Variants in ADD3 observed in about 807,000 individuals in gnomAD.
ADD3 encodes the protein gamma-adducin.
A neutral mutation model predicts 80.2 loss-of-function variants in ADD3; 25 were observed. The ratio of observed to expected loss-of-function variants is 0.31; its 90% CI spans 0.23 to 0.44. ADD3 has a LOEUF of 0.44. Among genes scored for constraint, ADD3 ranks in the 20% least tolerant of loss-of-function variants. ADD3 has a pLI of 1.00. For synonymous variants in ADD3, 284 were observed against 289.6 expected (o/e 0.98, Z 0.20); for missense variants, 829 against 847.5 (o/e 0.98, Z 0.27).
At position 110,135,004 on chromosome 10, in the gene ADD3, A is replaced by G. The variant is rs1853490899; in HGVS notation, c.*1386A>G. Reference sequence around the variant, plus strand: ...TCCCCTTTCACCCAAGTGATGTCACAGTTCGATGCAAAATCAATGATCCAG... The same window carrying G: ...TCCCCTTTCACCCAAGTGATGTCACGGTTCGATGCAAAATCAATGATCCAG... On this transcript the variant is annotated 3_prime_UTR_variant, in exon 15 of 15. Transcript: ENST00000356080. 1 of 152,254 alleles carries G rather than the reference A, an allele frequency of 6.6e-6. No homozygotes were observed. Among genetic ancestry groups the G allele is most frequent in the African/African-American group, 2.4e-5 (1 of 41,470 alleles). 9.4% of individuals were successfully genotyped at this position (152,254 alleles called of 1,614,324 possible).
intron 1 of ADD3, among the ~76,000 whole-genome samples, chr10:110,080,348 TG>T (rs1845930153): frequency 6.6e-6 from 1 of 152,226 alleles, no homozygotes; most frequent in African/African-American, 2.4e-5. Context: ...GTAGTATTTT[TG>T]TTGGAATATT....
intron 1 of ADD3, among the ~76,000 whole-genome samples, chr10:110,088,990 C>T (rs1167701391): frequency 2.0e-5 from 3 of 151,984 alleles, no homozygotes; most frequent in Non-Finnish European, 4.4e-5. Context: ...ATTTGCATTT[C>T]TTCAGTTAAA....
intron 1 of ADD3, among the ~76,000 whole-genome samples, chr10:110,088,467 A>T (rs1287661363): frequency 6.6e-6 from 1 of 152,220 alleles, no homozygotes; most frequent in Non-Finnish European, 1.5e-5. Context: ...ATCTGTGCTT[A>T]ATAAGATGCA....
intron 1 of ADD3, among the ~76,000 whole-genome samples, chr10:110,068,182 T>C (rs139002863): frequency 4.2e-4 from 64 of 152,316 alleles, no homozygotes; most frequent in Non-Finnish European, 8.1e-4. Flanking sequence ...TGTCTCTTCA[T>C]CTGGTTTCTT....
At chr10:110,075,536 C>CA (rs1435748136) in intron 1 of ADD3, 1 of 152,162 alleles carries the variant, frequency 6.6e-6, no homozygotes, top group African/African-American at 2.4e-5. Context: ...CTTCCATGCA[C>CA]AAACAGCTGG....
At chr10:110,094,767 A>G (rs1847960277) in intron 1 of ADD3, among the ~76,000 whole-genome samples, 1 of 152,226 alleles carries the variant, frequency 6.6e-6, no homozygotes, top group African/African-American at 2.4e-5. Context: ...GTTGTTTTCT[A>G]GAACTTCAAA....
At position 110,008,233 on chromosome 10, in the gene ADD3, C is replaced by T. The variant is rs1851858911; in HGVS notation, c.-96C>T. 1 of 152,298 alleles carries T rather than the reference C, an allele frequency of 6.6e-6. No homozygotes were observed. 9.4% of individuals were successfully genotyped at this position (152,298 alleles called of 1,614,324 possible). ...GCGGCCGCAGCGGCGGATCCGGCGGCTGCTGCAGCCCGGGCGGCTGCCGAG... is the reference window on the plus strand; with the variant it reads ...GCGGCCGCAGCGGCGGATCCGGCGGTTGCTGCAGCCCGGGCGGCTGCCGAG... On this transcript the variant is annotated 5_prime_UTR_variant, in exon 1 of 15. Coordinates refer to ENST00000356080, the MANE Select transcript of ADD3 (RefSeq NM_016824.5).
intron 1 of ADD3, among the ~76,000 whole-genome samples, chr10:110,024,215 T>C (rs1589762926): frequency 6.6e-6 from 1 of 152,222 alleles, no homozygotes; most frequent in Non-Finnish European, 1.5e-5. Flanking sequence ...ACAAAAGAAT[T>C]GAAGGCATTG....
intron 1 of ADD3, among the ~76,000 whole-genome samples, chr10:110,099,490 T>A (rs1269605458): frequency 6.6e-6 from 1 of 152,194 alleles, no homozygotes; most frequent in East Asian, 1.9e-4. Context: ...GGATCATCAA[T>A]CAATTTGACT....
intron 1 of ADD3, among the ~76,000 whole-genome samples, chr10:110,099,868 T>C (rs17127060): frequency 6.6e-6 from 1 of 152,258 alleles, no homozygotes; most frequent in South Asian, 2.1e-4. Flanking sequence ...TGCAGCACTT[T>C]AAAAGAATGT....
chr10:110,005,998 T>C (rs1851608005), upstream of ADD3: 1 of 246,358 alleles, frequency 4.1e-6, no homozygotes, highest in Non-Finnish European at 8.3e-6. Flanking sequence ...ATGCTGCTGC[T>C]GCTGCTGCCG....
chr10:110,113,025 T>A, intron 3 of ADD3, 110 bp downstream of exon 3: 1 of 1,169,790 alleles, frequency 8.5e-7, no homozygotes, highest in Non-Finnish European at 1.2e-6. Flanking sequence ...GTTTATAACA[T>A]CTAATACTTA....
chr10:110,132,520 T>G, intron 14 of ADD3, 120 bp downstream of exon 14: 1 of 606,932 alleles, frequency 1.6e-6, no homozygotes, highest in Non-Finnish European at 2.9e-6. Context: ...CATATTTTAC[T>G]TATATCTCCC....
chr10:110,104,905 T>TAATC (rs965640436), intron 2 of ADD3, among the ~76,000 whole-genome samples: 2 of 152,310 alleles, frequency 1.3e-5, no homozygotes, highest in Admixed American at 1.3e-4. Context: ...CTCACACCTG[T>TAATC]AATCACTAGG....
intron 1 of ADD3, among the ~76,000 whole-genome samples, chr10:110,083,267 A>G (rs945400338): frequency 5.3e-5 from 8 of 152,188 alleles, no homozygotes; most frequent in African/African-American, 1.9e-4. Flanking sequence ...TATTGGATGG[A>G]CGGATGGAGA....
In ADD3 at chr10:110,063,737, T is replaced by TATATATA. The variant is rs1554926923; in HGVS notation, c.-29-36888_-29-36887insATATATA. On this transcript the variant is annotated intron_variant, in intron 1 of 14. Transcript: ENST00000356080. The stretch of plus-strand genomic sequence containing the variant: ...TGATGAATATGAATATATATATTCA[T>TATATATA]TATATATATATATATATATATATAT... Among the ~76,000 whole-genome samples the TATATATA allele has an allele frequency of 2.9e-3, 186 of 64,660 alleles. 8 individuals carry two copies. The highest frequency in any genetic ancestry group is 0.011 in the African/African-American group (182 of 16,424). The allele number at this position is 64,660 out of a possible 152,430, so 42.4% of individuals were successfully genotyped here. A position where few individuals can be genotyped will look rare whatever the true frequency, so the allele number is the denominator to read the frequency against.
At chr10:110,014,747 G>A (rs1215582522) in intron 1 of ADD3, among the ~76,000 whole-genome samples, 1 of 151,772 alleles carries the variant, frequency 6.6e-6, no homozygotes, top group Non-Finnish European at 1.5e-5. Context: ...GGCTGGTCTC[G>A]AACTCCCAAC....
At position 110,130,483 on chromosome 10, in the gene ADD3, G is replaced by A. The variant is rs765540431; in HGVS notation, c.1729G>A (p.Glu577Lys). The change falls in exon 13 of 15, where the codon GAA (glutamate) becomes AAA (lysine). Residue 577 changes from glutamate to lysine, a missense_variant. Coordinates refer to ENST00000356080, the MANE Select transcript of ADD3 (RefSeq NM_016824.5). ...AATCGAACGTAAACAACAAGGCCTA[G>A]AAGGTTAGTTAATCTTTACATTCAA... ...RTIERKQQGL[E>K]DAEQELLSDD... 1 of 1,613,352 alleles carries A rather than the reference G, an allele frequency of 6.2e-7. No homozygotes were observed. The highest frequency in any genetic ancestry group is 1.1e-5 in the South Asian group (1 of 90,888).
rs1420767022 is a variant in ADD3, at chr10:110,134,534, G to A, written c.*916G>A. On this transcript the variant is annotated 3_prime_UTR_variant, in exon 15 of 15. Coordinates refer to ENST00000356080, the MANE Select transcript of ADD3 (RefSeq NM_016824.5). ...TAAAGGTACATCTAGATTCATATTT[G>A]AATCTTAAACTGTATTTTTCTCTTA... is the stretch of plus-strand genomic sequence containing the variant. 1 of 152,328 alleles carries A rather than the reference G, an allele frequency of 6.6e-6. No homozygotes were observed. The highest frequency in any genetic ancestry group is 2.4e-5 in the African/African-American group (1 of 41,372). The allele number at this position is 152,328 out of a possible 1,614,324, so 9.4% of individuals were successfully genotyped here. A position where few individuals can be genotyped will look rare whatever the true frequency, so the allele number is the denominator to read the frequency against.
Sources: gnomAD v4.1 joint callset for allele counts (sites outside exome capture counted in the v4.1 genomes callset) on GRCh38, gnomAD v4.1.1 for gene constraint, MANE v1.5 for transcripts, NCBI Gene and HGNC (gene_info 2026-07-23, HGNC 2026-07-21) for gene names.